The following C11orf65 variants were observed in gnomAD, a reference collection of about 807,000 sequenced individuals.
C11orf65 encodes chromosome 11 open reading frame 65, also known as protein MFI.
A neutral mutation model predicts 35.3 loss-of-function variants in C11orf65; 38 were observed. That is an observed-to-expected ratio of 1.08 (90% CI 0.83 to 1.41). C11orf65 has a LOEUF of 1.41. Ranked by LOEUF, C11orf65 falls within the 40% of genes most tolerant of loss-of-function variation. The probability of loss-of-function intolerance (pLI) is 0.00; values close to 1 mark genes in which losing one functional copy is unlikely to be tolerated. For synonymous variants in C11orf65, 105 were observed against 114.4 expected (o/e 0.92, Z 0.53); for missense variants, 370 against 367.1 (o/e 1.01, Z -0.06).
rs3218702 is a variant in C11orf65 at position 108,333,990 on chromosome 11, A to AT, written c.299+1229dup. Reference sequence around the variant, plus strand: ...TAAGGTAATTTGCAATTAACTCTTGATTTTTTTTAAACTAAATTTTTTTTA... The same window carrying AT: ...TAAGGTAATTTGCAATTAACTCTTGATTTTTTTTTAAACTAAATTTTTTTTA... On this transcript the variant is annotated intron_variant, in intron 3 of 3. Coordinates refer to the C11orf65 transcript ENST00000524755. The AT allele has an allele frequency of 2.7e-3, 4,228 of 1,563,520 alleles. 100 individuals carry two copies. The African/African-American group carries it at 0.049, about 18-fold the overall frequency.
At chr11:108,362,917 T>C (rs2090951506) in intron 2 of C11orf65, among the ~76,000 whole-genome samples, 1 of 151,796 alleles carries the variant, frequency 6.6e-6, no homozygotes, top group South Asian at 2.1e-4. Flanking sequence ...ACCTGCACAA[T>C]GTGCACATGT....
chr11:108,390,795 G>A (rs766133316), intron 7 of C11orf65, among the ~76,000 whole-genome samples: 4 of 152,174 alleles, frequency 2.6e-5, no homozygotes, highest in Non-Finnish European at 5.9e-5. Flanking sequence ...CAGACATGCT[G>A]TCTATAGGGA....
downstream of C11orf65, among the ~76,000 whole-genome samples, chr11:108,380,996 T>C (rs977928249): frequency 2.6e-5 from 4 of 152,188 alleles, no homozygotes; most frequent in Admixed American, 2.6e-4. Context: ...ACACTAGTCC[T>C]ATCATATGCC....
At chr11:108,395,934 A>G (rs933782259) in intron 6 of C11orf65, among the ~76,000 whole-genome samples, 9 of 151,474 alleles carry the variant, frequency 5.9e-5, no homozygotes, top group Non-Finnish European at 8.8e-5. Context: ...ATTTTTTAAA[A>G]TAATAATAAT....
intron 3 of C11orf65, among the ~76,000 whole-genome samples, chr11:108,425,253 T>C (rs1483065928): frequency 6.6e-6 from 1 of 151,772 alleles, no homozygotes; most frequent in African/African-American, 2.4e-5. Context: ...AATAGACCAC[T>C]AGCCAGACTA....
intron 2 of C11orf65, among the ~76,000 whole-genome samples, chr11:108,458,883 A>G (rs542234882): frequency 6.6e-6 from 1 of 152,304 alleles, no homozygotes; most frequent in East Asian, 1.9e-4. Context: ...TATCTCACTC[A>G]ATAAATCTCA....
intron 2 of C11orf65, among the ~76,000 whole-genome samples, chr11:108,349,402 C>T (rs917666753): frequency 6.6e-6 from 1 of 152,198 alleles, no homozygotes; most frequent in Non-Finnish European, 1.5e-5. Flanking sequence ...CGGTGGATCA[C>T]ACCTGTAATC....
rs556309145 is a variant in C11orf65 at position 108,311,356 on chromosome 11, T to C, written c.641-2285A>G. Among the ~76,000 whole-genome samples the C allele has an allele frequency of 1.8e-3, 276 of 152,198 alleles. 2 individuals carry two copies. Among genetic ancestry groups the C allele is most frequent in the African/African-American group, 6.4e-3 (265 of 41,538 alleles). On this transcript the variant is annotated intron_variant, in intron 6 of 6. Coordinates refer to the C11orf65 transcript ENST00000525729. Reference sequence around the variant, plus strand: ...GGAAGTGGATCGGTAGGAAGCCTTATATTTGAAGAAGGGTGCCAAAGTATA... The same window carrying C: ...GGAAGTGGATCGGTAGGAAGCCTTACATTTGAAGAAGGGTGCCAAAGTATA...
intron 2 of C11orf65, among the ~76,000 whole-genome samples, chr11:108,335,491 A>G (rs550555302): frequency 8.5e-5 from 13 of 152,250 alleles, no homozygotes; most frequent in Non-Finnish European, 1.8e-4. Flanking sequence ...TAATGTACCA[A>G]AAAGGGAGAG....
chr11:108,459,762 CA>C (rs1460585621), intron 2 of C11orf65, among the ~76,000 whole-genome samples: 1 of 150,556 alleles, frequency 6.6e-6, no homozygotes, highest in African/African-American at 2.4e-5. Context: ...CACACACACA[CA>C]CACACACCTC....
intron 2 of C11orf65, among the ~76,000 whole-genome samples, chr11:108,340,651 T>TA (rs1474614370): frequency 6.6e-6 from 1 of 152,214 alleles, no homozygotes; most frequent in Non-Finnish European, 1.5e-5. Context: ...CAAAGCTAGT[T>TA]TTATTAATAA....
intron 2 of C11orf65, among the ~76,000 whole-genome samples, chr11:108,340,586 C>T (rs1467368119): frequency 6.6e-6 from 1 of 152,214 alleles, no homozygotes; most frequent in Non-Finnish European, 1.5e-5. Context: ...TCTGCAGTCA[C>T]ATCTCTGTAG....
intron 3 of C11orf65, among the ~76,000 whole-genome samples, chr11:108,332,198 C>T (rs1165358053): frequency 6.6e-6 from 1 of 152,168 alleles, no homozygotes; most frequent in East Asian, 1.9e-4. Flanking sequence ...GAGGCTGAGG[C>T]GGGTGGATTA....
At chr11:108,426,289 C>T (rs574994212) in intron 3 of C11orf65, among the ~76,000 whole-genome samples, 2 of 152,314 alleles carry the variant, frequency 1.3e-5, no homozygotes, top group Admixed American at 1.3e-4. Context: ...TGATAAGCAA[C>T]TTCAACAAAG....
intron 2 of C11orf65, among the ~76,000 whole-genome samples, chr11:108,441,826 T>C (rs1407452690): frequency 6.6e-6 from 1 of 152,060 alleles, no homozygotes; most frequent in African/African-American, 2.4e-5. Flanking sequence ...TATGTCACCA[T>C]CATCAAAGAC....
Position 108,373,741 on chromosome 11 carries a change from C to T in C11orf65, c.226+19467G>A, listed in dbSNP as rs534005474. Reference sequence around the variant, plus strand: ...GCGTGGCATCGCATCACACGGGAAGCGCAAGGGGTCCGGGAGTTCCCTTTC... The same window carrying T: ...GCGTGGCATCGCATCACACGGGAAGTGCAAGGGGTCCGGGAGTTCCCTTTC... On this transcript the variant is annotated intron_variant, in intron 2 of 3. Coordinates refer to the C11orf65 transcript ENST00000524755. Among the ~76,000 whole-genome samples, 9 of 152,330 alleles carry T rather than the reference C, an allele frequency of 5.9e-5. No homozygotes were observed. In the South Asian group the frequency reaches 6.2e-4, roughly 11 times the overall value.
At chr11:108,468,603 C>A (rs2093560582), upstream of C11orf65, among the ~76,000 whole-genome samples, 1 of 152,144 alleles carries the variant, frequency 6.6e-6, no homozygotes, top group African/African-American at 2.4e-5. Context: ...AGAAAAAATT[C>A]TTGGTAGGTT....
In C11orf65 at chr11:108,365,193, G is replaced by A. The variant is rs1158699807; in HGVS notation, c.226+28015C>T. ...GCTTCACCCTACTCTGAATGCAGAT[G>A]ACCAAGAATGCAAACGAAATCTCAG... On this transcript the variant is annotated intron_variant, in intron 2 of 3. Transcript: ENST00000524755. 1 of 1,614,206 alleles carries A rather than the reference G, an allele frequency of 6.2e-7. No individual in the cohort carries two copies. The highest frequency in any genetic ancestry group is 1.7e-5 in the Admixed American group (1 of 60,018).
intron 3 of C11orf65, among the ~76,000 whole-genome samples, chr11:108,411,757 C>T (rs965785844): frequency 6.6e-6 from 1 of 151,756 alleles, no homozygotes; most frequent in Non-Finnish European, 1.5e-5. Context: ...TTGTCCAATA[C>T]TAACATAATG....
Sources: allele counts gnomAD v4.1 joint callset (sites outside exome capture counted in the v4.1 genomes callset), GRCh38; gene constraint gnomAD v4.1.1; transcripts MANE v1.5; gene names NCBI Gene and HGNC (gene_info 2026-07-23, HGNC 2026-07-21).